The following DOCK9 variants were observed in gnomAD, a reference collection of about 807,000 sequenced individuals.
DOCK9 encodes the protein dedicator of cytokinesis protein 9.
In DOCK9, 89 loss-of-function variants were observed where a neutral mutation model predicts 263.3. The ratio of observed to expected loss-of-function variants is 0.34; its 90% CI spans 0.28 to 0.40. The LOEUF is 0.40. Among genes scored for constraint, DOCK9 ranks in the 10% least tolerant of loss-of-function variants. DOCK9 has a pLI of 1.00. For synonymous variants in DOCK9, 976 were observed against 973.1 expected, an observed-to-expected ratio of 1.00 and a Z score of -0.06; for missense variants, 2,140 against 2,603.4, an observed-to-expected ratio of 0.82 and a Z score of 3.87.
chr13:98,797,538 T>C (rs1321117637), intron 50 of DOCK9, 49 bp from the exon 51 acceptor site: 10 of 1,495,648 alleles, frequency 6.7e-6, no homozygotes, highest in South Asian at 5.9e-5. Flanking sequence ...AAAATCACCA[T>C]GACCATCTGC....
intron 1 of DOCK9, among the ~76,000 whole-genome samples, chr13:98,998,520 C>G (rs1020168791): frequency 7.2e-5 from 11 of 152,182 alleles, no homozygotes; most frequent in African/African-American, 2.7e-4. Flanking sequence ...TTCCAAAACC[C>G]TTTTAAGAAT....
At chr13:98,918,969 AT>A (rs753636873) in intron 7 of DOCK9, among the ~76,000 whole-genome samples, 34 of 152,330 alleles carry the variant, frequency 2.2e-4, no homozygotes, top group South Asian at 8.3e-4. Context: ...ACAGGAAATC[AT>A]GCAATGACGT....
chr13:98,979,896 C>T (rs941795943), upstream of DOCK9, among the ~76,000 whole-genome samples: 2 of 152,206 alleles, frequency 1.3e-5, no homozygotes, highest in African/African-American at 2.4e-5. Context: ...TAAAGGACAG[C>T]CCAACCAACA....
At chr13:98,884,543 A>T (rs2045372132) in intron 21 of DOCK9, among the ~76,000 whole-genome samples, 1 of 152,240 alleles carries the variant, frequency 6.6e-6, no homozygotes, top group Admixed American at 6.5e-5. Flanking sequence ...TCTGGGGAAA[A>T]TTAGGCTTTC....
Position 99,083,321 on chromosome 13 carries a change from C to T in DOCK9, c.129+2902G>A, listed in dbSNP as rs747712722. The stretch of plus-strand genomic sequence containing the variant: ...ACCATGTTTGACAAGGCCTACAAAG[C>T]TTTTTTAGGTCCTTATTAGAACAAA... On this transcript the variant is annotated intron_variant, in intron 1 of 32. Coordinates refer to the DOCK9 transcript ENST00000427887. Among the ~76,000 whole-genome samples the T allele has an allele frequency of 2.0e-5, 3 of 151,766 alleles. 1 individual carries two copies. The highest frequency in any genetic ancestry group is 4.2e-4 in the South Asian group (2 of 4,814).
At chr13:99,011,182 C>T (rs1884413799) in intron 1 of DOCK9, among the ~76,000 whole-genome samples, 1 of 152,208 alleles carries the variant, frequency 6.6e-6, no homozygotes, top group African/African-American at 2.4e-5. Context: ...CAGGCGTGTG[C>T]CACCATGCCT....
At chr13:98,977,456 A>G (rs1875209773) in intron 1 of DOCK9, among the ~76,000 whole-genome samples, 1 of 152,212 alleles carries the variant, frequency 6.6e-6, no homozygotes, top group Non-Finnish European at 1.5e-5. Flanking sequence ...TTTCAACCCT[A>G]TAGTTGCAAT....
intron 23 of DOCK9, 74 bp from the exon 24 acceptor site, chr13:98,882,081 C>T: frequency 8.1e-7 from 1 of 1,242,116 alleles, no homozygotes; most frequent in Non-Finnish European, 1.2e-6. Flanking sequence ...TCCACTCTTC[C>T]AAACAAGGAT....
At chr13:99,026,191 C>A (rs1246730871) in intron 1 of DOCK9, among the ~76,000 whole-genome samples, 1 of 151,744 alleles carries the variant, frequency 6.6e-6, no homozygotes, top group African/African-American at 2.4e-5. Context: ...TAAAGATGTT[C>A]TAAAATTGAC....
chr13:98,879,194 C>A (rs1329313156), intron 27 of DOCK9, among the ~76,000 whole-genome samples: 2 of 152,118 alleles, frequency 1.3e-5, no homozygotes, highest in Non-Finnish European at 1.5e-5. Context: ...CCTGAGGTGG[C>A]CAAACACACC....
At chr13:98,893,824 G>C (rs1167175086) in intron 15 of DOCK9, among the ~76,000 whole-genome samples, 1 of 152,182 alleles carries the variant, frequency 6.6e-6, no homozygotes, top group Non-Finnish European at 1.5e-5. Flanking sequence ...GAAGAATACG[G>C]GGAGTGGGCA....
At chr13:98,832,881 A>G (rs142862156) in intron 39 of DOCK9, 35 of 152,384 alleles carry the variant, frequency 2.3e-4, no homozygotes, top group African/African-American at 8.4e-4. Flanking sequence ...ACTTATGTCC[A>G]TATAATTTTG....
intron 45 of DOCK9, among the ~76,000 whole-genome samples, chr13:98,813,360 A>T (rs1464195915): frequency 1.3e-5 from 2 of 152,170 alleles, no homozygotes; most frequent in African/African-American, 2.4e-5. Context: ...TTTTCTGTAG[A>T]CAGTCTTTTT....
chr13:98,882,911 C>G, intron 23 of DOCK9, 131 bp downstream of exon 23: 1 of 706,992 alleles, frequency 1.4e-6, no homozygotes, highest in East Asian at 2.7e-5. Context: ...ATCTAAACCT[C>G]ATAGAAGCTA....
chr13:98,855,266 C>T (rs1483214759), intron 34 of DOCK9, among the ~76,000 whole-genome samples: 1 of 152,120 alleles, frequency 6.6e-6, no homozygotes, highest in Non-Finnish European at 1.5e-5. Context: ...ATGATGGTGT[C>T]TCTGGTATAA....
chr13:99,080,781 C>A (rs1467805473), intron 1 of DOCK9, among the ~76,000 whole-genome samples: 1 of 152,154 alleles, frequency 6.6e-6, no homozygotes, highest in Non-Finnish European at 1.5e-5. Context: ...CCATGGTGTG[C>A]CTTAGTACTG....
At chr13:98,917,936 C>G (rs190152258) in intron 7 of DOCK9, among the ~76,000 whole-genome samples, 1 of 152,112 alleles carries the variant, frequency 6.6e-6, no homozygotes, top group African/African-American at 2.4e-5. Context: ...CAGGTCACCC[C>G]GGCATTCCCT....
intron 1 of DOCK9, among the ~76,000 whole-genome samples, chr13:99,004,881 T>C (rs1233524475): frequency 1.3e-5 from 2 of 151,790 alleles, no homozygotes; most frequent in African/African-American, 4.8e-5. Context: ...CTATAAAATC[T>C]AGTTAAGGAG....
chr13:98,992,319 C>T (rs911889632), intron 1 of DOCK9, among the ~76,000 whole-genome samples: 10 of 152,100 alleles, frequency 6.6e-5, no homozygotes, highest in African/African-American at 2.2e-4. Context: ...TCTCAGAAGA[C>T]CCAGATGGTC....
Sources: gnomAD v4.1 joint callset for allele counts (sites outside exome capture counted in the v4.1 genomes callset) on GRCh38, gnomAD v4.1.1 for gene constraint, MANE v1.5 for transcripts, NCBI Gene and HGNC (gene_info 2026-07-23, HGNC 2026-07-21) for gene names.